AXIN1: variants seen among roughly 807,000 people sequenced by gnomAD.
The protein encoded by AXIN1 is axin 1, also known as axin-1.
AXIN1 carries 30 observed loss-of-function variants against 76.4 expected under a neutral mutation model. That is an observed-to-expected ratio of 0.39 (90% CI 0.29 to 0.53). The LOEUF is 0.53. Ranked by LOEUF, AXIN1 falls within the 20% of genes least tolerant of loss-of-function variation. AXIN1 has a pLI of 0.66. For synonymous variants in AXIN1, 545 were observed against 501.4 expected (o/e 1.09, Z -1.16); for missense variants, 1,140 against 1,198.8 (o/e 0.95, Z 0.72).
At chr16:294,460 C>CAAAAAA (rs35746106) in intron 7 of AXIN1, among the ~76,000 whole-genome samples, 7 of 48,308 alleles carry the variant, frequency 1.4e-4, no homozygotes, top group African/African-American at 5.1e-4. Context: ...GACTCCATCT[C>CAAAAAA]AAAAAAAAAA....
chr16:324,532 A>G (rs1251080407), intron 2 of AXIN1, among the ~76,000 whole-genome samples: 1 of 152,204 alleles, frequency 6.6e-6, no homozygotes, highest in Non-Finnish European at 1.5e-5. Flanking sequence ...TGTGGAGATA[A>G]ACAGAAGCTT....
At chr16:303,088 C>G (rs2052917600) in intron 5 of AXIN1, among the ~76,000 whole-genome samples, 1 of 152,222 alleles carries the variant, frequency 6.6e-6, no homozygotes, top group East Asian at 1.9e-4. Flanking sequence ...GCTCAAACTC[C>G]TCGGCTCAAG....
chr16:302,242 CCT>C (rs1323318038), intron 5 of AXIN1, among the ~76,000 whole-genome samples: 1 of 152,224 alleles, frequency 6.6e-6, no homozygotes, highest in Admixed American at 6.5e-5. Context: ...GGACAAATTC[CCT>C]GAGTCCTTTC....
chr16:294,420 A>G (rs1375509777), intron 7 of AXIN1, among the ~76,000 whole-genome samples: 1 of 130,108 alleles, frequency 7.7e-6, no homozygotes, highest in Non-Finnish European at 1.6e-5. Context: ...CTGAGATTGC[A>G]CCACTGCACT....
rs55931984 is a variant in AXIN1, at chr16:310,148, C to T, written c.1020-79G>A. Reference sequence around the variant, plus strand: ...ACCGTGCCAATAGAGCTCCTGGCCCCGACCGCCGGTCAGCAGGCAATGATG... The same window carrying T: ...ACCGTGCCAATAGAGCTCCTGGCCCTGACCGCCGGTCAGCAGGCAATGATG... On this transcript the variant is annotated intron_variant, in intron 3 of 10. Transcript: ENST00000262320. 0.01 allele frequency: 13,483 copies of T among 1,344,032 alleles called. 675 individuals are homozygous for T. In the African/African-American group the frequency reaches 0.14, roughly 14 times the overall value. 83.3% of individuals were successfully genotyped at this position (1,344,032 alleles called of 1,614,324 possible). A position where few individuals can be genotyped will look rare whatever the true frequency, so the allele number is the denominator to read the frequency against.
intron 2 of AXIN1, among the ~76,000 whole-genome samples, chr16:317,454 T>C (rs1288804950): frequency 6.6e-6 from 1 of 152,234 alleles, no homozygotes; most frequent in Non-Finnish European, 1.5e-5. Flanking sequence ...CGGTTCACGA[T>C]GTCAGGCCCC....
chr16:323,955 T>C (rs914393060), intron 2 of AXIN1, among the ~76,000 whole-genome samples: 1 of 152,088 alleles, frequency 6.6e-6, no homozygotes, highest in South Asian at 2.1e-4. Context: ...CAACCCACCC[T>C]GGAGACACCA....
chr16:335,924 A>C (rs1215330585), intron 2 of AXIN1, among the ~76,000 whole-genome samples: 4 of 152,346 alleles, frequency 2.6e-5, no homozygotes, highest in Middle Eastern at 3.4e-3. Flanking sequence ...CTCAAAAACA[A>C]ACACACAAAA....
chr16:300,706 T>G (rs1323481510), intron 5 of AXIN1, among the ~76,000 whole-genome samples: 1 of 152,082 alleles, frequency 6.6e-6, no homozygotes, highest in East Asian at 1.9e-4. Context: ...AGGTGGGTGG[T>G]GGGCATCCCC....
At chr16:335,408 C>T (rs1041459318) in intron 2 of AXIN1, among the ~76,000 whole-genome samples, 1 of 152,056 alleles carries the variant, frequency 6.6e-6, no homozygotes, top group African/African-American at 2.4e-5. Flanking sequence ...TCATGGCACG[C>T]TAATTACACA....
rs768715660 is a variant in AXIN1, at chr16:289,418, G to A, written c.2462+22C>T. 5 of 1,612,336 alleles carry A rather than the reference G, an allele frequency of 3.1e-6. No individual in the cohort carries two copies. The Admixed American group carries it at 5.0e-5, about 16-fold the overall frequency. ...ACCCACATACTCGTGCGGGGAGGGG[G>A]CACCCCAGCCCTCACACTCACCTGT... On this transcript the variant is annotated intron_variant, in intron 10 of 10. Coordinates refer to ENST00000262320, the MANE Select transcript of AXIN1 (RefSeq NM_003502.4).
chr16:345,900 T>C (rs1490587906), intron 2 of AXIN1, among the ~76,000 whole-genome samples: 7 of 152,230 alleles, frequency 4.6e-5, no homozygotes, highest in Admixed American at 1.3e-4. Context: ...AGAATTCCGA[T>C]GTTCCTAATG....
At chr16:292,145 G>C (rs1376370727) in intron 8 of AXIN1, 1 of 152,392 alleles carries the variant, frequency 6.6e-6, no homozygotes, top group Non-Finnish European at 1.5e-5. Flanking sequence ...CCCGGCAGGA[G>C]AGCCCACACA....
chr16:329,272 CAAAAAA>C (rs1176095680), intron 2 of AXIN1, among the ~76,000 whole-genome samples: 4 of 71,182 alleles, frequency 5.6e-5, no homozygotes, highest in African/African-American at 2.1e-4. Context: ...GCGAGACTGT[CAAAAAA>C]AAAAAAAAAA....
chr16:329,213 G>C lies in AXIN1; in HGVS notation c.879-14530C>G, dbSNP rs542347690. Among the ~76,000 whole-genome samples the C allele has an allele frequency of 2.0e-5, 3 of 149,360 alleles. 1 individual carries two copies. The highest frequency in any genetic ancestry group is 7.4e-5 in the African/African-American group (3 of 40,398). On this transcript the variant is annotated intron_variant, in intron 2 of 10. Coordinates refer to ENST00000262320, the MANE Select transcript of AXIN1 (RefSeq NM_003502.4). ...AATCGCTTGAACCCAGGAGGCAGAG[G>C]TTGCAGTGAGCTGACATCGCGCCAC...
intron 2 of AXIN1, among the ~76,000 whole-genome samples, chr16:330,203 G>C (rs1345375037): frequency 6.6e-6 from 1 of 151,888 alleles, no homozygotes; most frequent in Non-Finnish European, 1.5e-5. Flanking sequence ...TGGAACCACA[G>C]GTGCATGCCA....
chr16:309,307 G>C (rs1417521767), intron 4 of AXIN1, among the ~76,000 whole-genome samples: 2 of 147,800 alleles, frequency 1.4e-5, no homozygotes. Flanking sequence ...AAAAAAAAAA[G>C]AAAACACTTT....
chr16:343,355 G>A lies in AXIN1; in HGVS notation c.878+2793C>T, dbSNP rs3885055. On this transcript the variant is annotated intron_variant, in intron 2 of 10. Transcript: ENST00000262320. ...GGGTTCCAACAGTGGAAATCAGAAC[G>A]GAGCTCATTTTCCTCCTGCAGCCCA... 5.2e-3 allele frequency among the ~76,000 whole-genome samples: 790 copies of A among 152,258 alleles called. 9 individuals carry two copies. Among genetic ancestry groups the A allele is most frequent in the African/African-American group, 0.017 (719 of 41,560 alleles).
Position 293,569 on chromosome 16 carries a change from T to C in AXIN1, c.2105A>G (p.Asn702Ser), listed in dbSNP as rs2141485640. 6.2e-7 allele frequency: 1 copy of C among 1,611,430 alleles called. No individual in the cohort carries two copies. The highest frequency in any genetic ancestry group is 8.5e-7 in the Non-Finnish European group (1 of 1,179,766). Residue 702 changes from asparagine (N) to serine (S), a missense_variant, in exon 8 of 11, where the codon AAC becomes AGC. By Grantham distance (46) the Asn-to-Ser change is conservative. This residue lies in a region of AXIN1 where 429 missense variants were observed against 405.8 expected (regional missense o/e 1.06). Coordinates refer to ENST00000262320, the MANE Select transcript of AXIN1 (RefSeq NM_003502.4). This position sits in a 1 kb window ranked among gnomAD's most constrained non-coding sequence, Gnocchi z 4.6. ...DPTMPPHPAP[N>S]PLTQLEEARR... ...CGCCTCCTCCAGCTGGGTTAGGGGG[T>C]TGGGAGCTGGGTGGGGTGGCATGGT...
Sources: gnomAD v4.1 joint callset for allele counts (sites outside exome capture counted in the v4.1 genomes callset) on GRCh38, gnomAD v4.1.1 for gene constraint, gnomAD v4.1.1 regional missense constraint, Gnocchi (gnomAD v3.1) non-coding constraint, MANE v1.5 for transcripts, NCBI Gene and HGNC (gene_info 2026-07-23, HGNC 2026-07-21) for gene names.